The following KNSTRN variants were observed in gnomAD, a reference collection of about 807,000 sequenced individuals.
KNSTRN encodes small kinetochore-associated protein.
KNSTRN carries 38 observed loss-of-function variants against 44.7 expected under a neutral mutation model. That is an observed-to-expected ratio of 0.85 (90% CI 0.66 to 1.11). The LOEUF (loss-of-function observed/expected upper bound fraction) is 1.11, where lower values mean the gene tolerates loss of function less well. Among genes scored for constraint, KNSTRN ranks in the 50% most tolerant of loss-of-function variants. The pLI, the probability that KNSTRN is intolerant of heterozygous loss-of-function variation, is 0.00. For synonymous variants in KNSTRN, 158 were observed against 148.1 expected (o/e 1.07, Z -0.48); for missense variants, 406 against 375.8 (o/e 1.08, Z -0.66).
In KNSTRN at chr15:40,389,575, C is replaced by T; in HGVS notation, c.555C>T (p.Val185=). Residue 185 remains valine, a synonymous_variant, in exon 5 of 9, where the codon GTC becomes GTT. Coordinates refer to ENST00000249776, the MANE Select transcript of KNSTRN (RefSeq NM_033286.4). The part of the protein sequence containing the change: ...LKDKNQLLEA[V]NKQLHQKLTE... The stretch of plus-strand genomic sequence containing the variant: ...ACAAGAACCAGCTGTTAGAAGCCGT[C>T]AACAAGCAGTTGCACCAGAAGTTGA... 2 of 1,614,058 alleles carry T rather than the reference C, an allele frequency of 1.2e-6. No homozygotes were observed. The highest frequency in any genetic ancestry group is 1.6e-4 in the Middle Eastern group (1 of 6,062).
Position 40,389,894 on chromosome 15 carries a change from GT to G in KNSTRN, c.653del (p.Leu218TrpfsTer13). ...VELLEKFRDN[C>X]LAILESKGLD... ...CTGCTGGAGAAGTTTCGGGACAACT[GT>G]TTGGCAATTTTGGAGAGCAAGGGCC... is the stretch of plus-strand genomic sequence containing the variant. On this transcript the variant is annotated frameshift_variant, in exon 6 of 9. Transcript: ENST00000249776. LOFTEE classifies it high-confidence loss of function. 1.2e-5 allele frequency: 20 copies of G among 1,614,210 alleles called. No homozygotes were observed. Among genetic ancestry groups the G allele is most frequent in the Non-Finnish European group, 1.7e-5 (20 of 1,180,020 alleles).
chr15:40,388,670 G>T (rs1399638821), intron 4 of KNSTRN, among the ~76,000 whole-genome samples: 2 of 151,210 alleles, frequency 1.3e-5, no homozygotes, highest in African/African-American at 4.9e-5. Flanking sequence ...ACTCCAGCCT[G>T]GGCGACGGAG....
At position 40,393,743 on chromosome 15, in the gene KNSTRN, C is replaced by A; in HGVS notation, c.*146C>A. On this transcript the variant is annotated 3_prime_UTR_variant, in exon 9 of 9. Coordinates refer to ENST00000249776, the MANE Select transcript of KNSTRN (RefSeq NM_033286.4). ...ACAGTAGACTTAAGGACAGTTTATG[C>A]TGAAATGGCAATTCCTCATTTAAGC... The A allele has an allele frequency of 2.7e-6, 2 of 730,398 alleles. No individual in the cohort carries two copies. The highest frequency in any genetic ancestry group is 4.2e-6 in the Non-Finnish European group (2 of 474,188). The allele number at this position is 730,398 out of a possible 1,614,324, so 45.2% of individuals were successfully genotyped here.
intron 2 of KNSTRN, among the ~76,000 whole-genome samples, chr15:40,385,775 C>A (rs1889890991): frequency 6.6e-6 from 1 of 152,222 alleles, no homozygotes; most frequent in Admixed American, 6.5e-5. Context: ...CCACCCTGCT[C>A]TCTGCTGGTG....
intron 3 of KNSTRN, 162 bp downstream of exon 3, chr15:40,386,656 C>A: frequency 1.5e-6 from 1 of 667,034 alleles, no homozygotes; most frequent in Non-Finnish European, 2.5e-6. Flanking sequence ...TGCCAGAACC[C>A]TCTGTGTTGA....
At chr15:40,393,011 T>C (rs1890027565) in intron 8 of KNSTRN, among the ~76,000 whole-genome samples, 1 of 152,156 alleles carries the variant, frequency 6.6e-6, no homozygotes, top group Non-Finnish European at 1.5e-5. Flanking sequence ...ACTAATTTTT[T>C]TTTTTCTGTT....
At chr15:40,388,614 G>A (rs181068715) in intron 4 of KNSTRN, among the ~76,000 whole-genome samples, 1 of 151,846 alleles carries the variant, frequency 6.6e-6, no homozygotes, top group African/African-American at 2.4e-5. Context: ...AGAATGGTGT[G>A]AACCCAGGAG....
rs138194623 is a variant in KNSTRN, at chr15:40,386,503, G to A, written c.437+9G>A. ...CTGAGACGAGAGAATGGGTGAGAAC[G>A]GATCATTAGTATCCAGTTAGAACAT... On this transcript the variant is annotated intron_variant, in intron 3 of 8. Transcript: ENST00000249776. 1.7e-5 allele frequency: 28 copies of A among 1,611,362 alleles called. No individual in the cohort carries two copies. In the East Asian group the frequency reaches 3.8e-4, roughly 22 times the overall value.
chr15:40,387,124 G>T (rs1889916253), intron 3 of KNSTRN, 35 bp from the exon 4 acceptor site: 1 of 1,521,710 alleles, frequency 6.6e-7, no homozygotes, highest in African/African-American at 1.4e-5. Flanking sequence ...AGTACTGTAA[G>T]TCTCTGATTC....
chr15:40,387,645 A>C (rs557291417), intron 4 of KNSTRN, among the ~76,000 whole-genome samples: 1 of 152,308 alleles, frequency 6.6e-6, no homozygotes, highest in Admixed American at 6.5e-5. Context: ...TCAGAAATAG[A>C]AATAATAAGC....
chr15:40,393,061 A>G, intron 8 of KNSTRN: 1 of 775,372 alleles, frequency 1.3e-6, no homozygotes, highest in South Asian at 2.0e-5. Context: ...CCAAGGCATG[A>G]GGCAATGTGT....
At chr15:40,386,041 G>T (rs1889894531) in intron 2 of KNSTRN, among the ~76,000 whole-genome samples, 1 of 152,178 alleles carries the variant, frequency 6.6e-6, no homozygotes, top group Non-Finnish European at 1.5e-5. Context: ...TTCGAGACCA[G>T]GCTGGGCAAC....
intron 2 of KNSTRN, chr15:40,384,421 G>C (rs902141168): frequency 4.4e-6 from 2 of 455,252 alleles, no homozygotes; most frequent in Non-Finnish European, 8.8e-6. Context: ...TTCTCCAAAG[G>C]CTTAATGGGT....
In KNSTRN at chr15:40,387,182, C is replaced by T. The variant is rs1359187141; in HGVS notation, c.461C>T (p.Ala154Val). 1 of 1,613,318 alleles carries T rather than the reference C, an allele frequency of 6.2e-7. No individual in the cohort carries two copies. The highest frequency in any genetic ancestry group is 2.2e-5 in the East Asian group (1 of 44,872). The part of the protein sequence containing the change: ...ENGQMKATDT[A>V]TRRNVRKGYK... ...AGGCAAATGAAAGCTACTGACACTG[C>T]CACCAGAAGGAATGTCAGAAAAGGG... is the stretch of plus-strand genomic sequence containing the variant. The change falls in exon 4 of 9, where the codon GCC (alanine) becomes GTC (valine). Residue 154 changes from alanine to valine, a missense_variant. By Grantham distance (64) the Ala-to-Val change is moderately conservative (BLOSUM62 0). Coordinates refer to ENST00000249776, the MANE Select transcript of KNSTRN (RefSeq NM_033286.4).
intron 2 of KNSTRN, 86 bp from the exon 3 acceptor site, chr15:40,386,276 C>A (rs969286085): frequency 2.3e-6 from 3 of 1,324,646 alleles, no homozygotes; most frequent in Non-Finnish European, 2.1e-6. Context: ...AGATTTATGA[C>A]AACTTCGAAT....
At position 40,382,810 on chromosome 15, in the gene KNSTRN, G is replaced by A; in HGVS notation, c.-26G>A. The A allele has an allele frequency of 6.2e-7, 1 of 1,601,026 alleles. No individual in the cohort carries two copies. Among genetic ancestry groups the A allele is most frequent in the Non-Finnish European group, 8.5e-7 (1 of 1,173,988 alleles). On this transcript the variant is annotated 5_prime_UTR_variant, in exon 1 of 9. Transcript: ENST00000249776. The stretch of plus-strand genomic sequence containing the variant: ...ACACCTTTCGCTAGGTCTGGCTCTG[G>A]CCTCTGAGCGAACCTTCCGTACAGT...
At chr15:40,393,214 A>G (rs778076186) in intron 8 of KNSTRN, 1 of 1,613,934 alleles carries the variant, frequency 6.2e-7, no homozygotes, top group Admixed American at 1.7e-5. Flanking sequence ...GAATCATGGG[A>G]TATTGCACCA....
Position 40,391,522 on chromosome 15 carries a change from CAAG to C in KNSTRN, c.718_720del (p.Glu240del). The C allele has an allele frequency of 6.2e-7, 1 of 1,613,962 alleles. No homozygotes were observed. The highest frequency in any genetic ancestry group is 8.5e-7 in the Non-Finnish European group (1 of 1,179,932). ...AGGCAGTGAGACCCTGGCATCACGA[CAAG>C]AATCCACTACTGATCACATGGACTC... On this transcript the variant is annotated inframe_deletion, in exon 7 of 9. Transcript: ENST00000249776.
rs147156222 is a variant in KNSTRN at position 40,389,572 on chromosome 15, C to T, written c.552C>T (p.Ala184=). Residue 184 remains alanine, a synonymous_variant, in exon 5 of 9, where the codon GCC becomes GCT. Coordinates refer to ENST00000249776, the MANE Select transcript of KNSTRN (RefSeq NM_033286.4). Reference sequence around the variant, plus strand: ...AGGACAAGAACCAGCTGTTAGAAGCCGTCAACAAGCAGTTGCACCAGAAGT... The same window carrying T: ...AGGACAAGAACCAGCTGTTAGAAGCTGTCAACAAGCAGTTGCACCAGAAGT... ...ELKDKNQLLE[A]VNKQLHQKLT... 605 of 1,614,006 alleles carry T rather than the reference C, an allele frequency of 3.7e-4. 6 individuals carry two copies. The East Asian group carries it at 1.0e-2, about 27-fold the overall frequency.
Sources: gnomAD v4.1 joint callset for allele counts (sites outside exome capture counted in the v4.1 genomes callset) on GRCh38, gnomAD v4.1.1 for gene constraint, MANE v1.5 for transcripts, NCBI Gene and HGNC (gene_info 2026-07-23, HGNC 2026-07-21) for gene names.